The following PDXDC1 variants were observed in gnomAD, a reference collection of about 807,000 sequenced individuals.
PDXDC1 encodes the protein pyridoxal-dependent decarboxylase domain-containing protein 1.
Under a neutral mutation model 100.1 loss-of-function variants are expected in PDXDC1, and 42 were observed. The observed-to-expected ratio is 0.42, with a 90% CI of 0.33 to 0.54. The LOEUF is 0.54. Ranked by LOEUF, PDXDC1 falls within the 20% of genes least tolerant of loss-of-function variation. The probability of loss-of-function intolerance (pLI) is 0.10; values close to 1 mark genes in which losing one functional copy is unlikely to be tolerated. For synonymous variants in PDXDC1, 260 were observed against 371.7 expected (o/e 0.70, Z 3.46); for missense variants, 636 against 979.2 (o/e 0.65, Z 4.68).
intron 16 of PDXDC1, among the ~76,000 whole-genome samples, chr16:15,100,580 G>A (rs370444947): frequency 6.6e-6 from 1 of 152,174 alleles, no homozygotes; most frequent in African/African-American, 2.4e-5. Flanking sequence ...CTACCCAGTA[G>A]ATGACAGTAG....
intron 16 of PDXDC1, chr16:15,055,820 A>AG: frequency 3.7e-6 from 3 of 818,378 alleles, no homozygotes; most frequent in South Asian, 6.1e-5. Flanking sequence ...GTGTCGCGTG[A>AG]GGGGGGCGCT....
intron 16 of PDXDC1, chr16:15,086,264 G>A: frequency 1.9e-6 from 3 of 1,561,912 alleles, no homozygotes; most frequent in Non-Finnish European, 2.6e-6. Flanking sequence ...AATCTCTAGA[G>A]TGGGGGAAGA....
chr16:15,098,873 CA>C (rs527895668), intron 16 of PDXDC1, among the ~76,000 whole-genome samples: 12 of 150,426 alleles, frequency 8.0e-5, no homozygotes, highest in African/African-American at 2.9e-4. Flanking sequence ...AACTCCCTCT[CA>C]AAAAAAAAGA....
At chr16:15,089,632 C>A (rs1213771150) in intron 16 of PDXDC1, among the ~76,000 whole-genome samples, 1 of 151,384 alleles carries the variant, frequency 6.6e-6, no homozygotes, top group Non-Finnish European at 1.5e-5. Context: ...AACCCCACCT[C>A]TACTAAAAAT....
At chr16:15,041,163 AC>A (rs1374125437), downstream of PDXDC1, 1 of 1,212,128 alleles carries the variant, frequency 8.2e-7, no homozygotes, top group East Asian at 2.3e-5. Context: ...TTAAAGAAAT[AC>A]CAAATGATTA....
chr16:15,135,133 G>C (rs183341921), intron 16 of PDXDC1: 30 of 692,816 alleles, frequency 4.3e-5, no homozygotes, highest in Middle Eastern at 3.8e-4. Context: ...CAAAGCTGAA[G>C]CAGGCTGTCG....
At chr16:15,042,506 G>C (rs1039124312), downstream of PDXDC1, among the ~76,000 whole-genome samples, 1 of 151,984 alleles carries the variant, frequency 6.6e-6, no homozygotes. Flanking sequence ...TTTATATCCT[G>C]ATTTGCTTGT....
chr16:15,106,518 G>C (rs1385155208), intron 16 of PDXDC1, among the ~76,000 whole-genome samples: 1 of 150,162 alleles, frequency 6.7e-6, no homozygotes, highest in Non-Finnish European at 1.5e-5. Flanking sequence ...CACTCTGGGA[G>C]GGCGAGGTGG....
At chr16:15,132,451 TGGAA>T (rs1446986223) in intron 16 of PDXDC1, among the ~76,000 whole-genome samples, 1 of 96,966 alleles carries the variant, frequency 1.0e-5, no homozygotes, top group Non-Finnish European at 2.2e-5. Flanking sequence ...GAGGGGAGAG[TGGAA>T]GGCACAGAAC....
chr16:15,101,122 G>A (rs867400448), intron 16 of PDXDC1, among the ~76,000 whole-genome samples: 40 of 152,272 alleles, frequency 2.6e-4, no homozygotes, highest in Non-Finnish European at 3.1e-4. Flanking sequence ...TAGAGCTATC[G>A]TAAGGATTAG....
intron 16 of PDXDC1, among the ~76,000 whole-genome samples, chr16:15,057,707 G>C (rs772865955): frequency 8.5e-5 from 13 of 152,268 alleles, no homozygotes; most frequent in Non-Finnish European, 1.8e-4. Flanking sequence ...TGTTTCACCT[G>C]GTACATACTA....
At chr16:15,032,725 T>G (rs2043143558) in intron 17 of PDXDC1, 136 bp from the exon 18 acceptor site, 2 of 634,446 alleles carry the variant, frequency 3.2e-6, no homozygotes, top group African/African-American at 3.7e-5. Flanking sequence ...GTTTGTGGTC[T>G]GGAGACACTC....
rs1352045836 is a variant in PDXDC1 at position 14,975,147 on chromosome 16, G to C, written c.-53G>C. On this transcript the variant is annotated 5_prime_UTR_variant, in exon 1 of 23. Coordinates refer to ENST00000396410, the MANE Select transcript of PDXDC1 (RefSeq NM_015027.4). ...CAGCGTGGAAGGAGCTGCGGGGCGC[G>C]GGAGGAGGAAGTAGAGCCCGGGACC... The C allele has an allele frequency of 6.8e-6, 10 of 1,466,798 alleles. No individual in the cohort carries two copies. In the Admixed American group the frequency reaches 2.3e-4, roughly 33 times the overall value. The allele number at this position is 1,466,798 out of a possible 1,614,324, so 90.9% of individuals were successfully genotyped here. A position where few individuals can be genotyped will look rare whatever the true frequency, so the allele number is the denominator to read the frequency against.
At chr16:15,085,504 G>T in intron 16 of PDXDC1, 1 of 1,114,920 alleles carries the variant, frequency 9.0e-7, no homozygotes, top group South Asian at 1.5e-5. Context: ...TTTTTGCAGA[G>T]ACAAGGTCTC....
At chr16:15,004,679 C>T (rs1837012413) in intron 5 of PDXDC1, among the ~76,000 whole-genome samples, 1 of 152,228 alleles carries the variant, frequency 6.6e-6, no homozygotes, top group Admixed American at 6.5e-5. Context: ...TACAGTTGTC[C>T]CTTATCCTTG....
intron 16 of PDXDC1, chr16:15,055,779 G>A: frequency 3.7e-6 from 2 of 542,380 alleles, no homozygotes; most frequent in African/African-American, 2.0e-5. Flanking sequence ...CCGGGGCTCC[G>A]GATGTGCCAA....
chr16:15,008,069 A>AT (rs1256325668), intron 6 of PDXDC1, among the ~76,000 whole-genome samples: 30 of 152,230 alleles, frequency 2.0e-4, no homozygotes, highest in African/African-American at 3.6e-4. Flanking sequence ...TAATACCTGT[A>AT]TTTTTTTTGA....
chr16:15,148,252 C>T, the PDXDC1 span, among the ~76,000 whole-genome samples: 2 of 151,818 alleles, frequency 1.3e-5, no homozygotes, highest in African/African-American at 2.4e-5. Context: ...GCACCGCGCC[C>T]GGCTGGACAG....
intron 16 of PDXDC1, among the ~76,000 whole-genome samples, chr16:15,085,193 A>T (rs1214407885): frequency 6.6e-6 from 1 of 152,260 alleles, no homozygotes; most frequent in Non-Finnish European, 1.5e-5. Flanking sequence ...AATTAAATGG[A>T]CTAATTATAT....
Sources: gnomAD v4.1 joint callset for allele counts (sites outside exome capture counted in the v4.1 genomes callset) on GRCh38, gnomAD v4.1.1 for gene constraint, MANE v1.5 for transcripts, NCBI Gene and HGNC (gene_info 2026-07-23, HGNC 2026-07-21) for gene names.